HMCN2: variants seen among roughly 807,000 people sequenced by gnomAD.
The protein encoded by HMCN2 is hemicentin-2.
Under a neutral mutation model 377.5 loss-of-function variants are expected in HMCN2, and 325 were observed. The observed-to-expected ratio is 0.86, with a 90% confidence interval of 0.79 to 0.94. The LOEUF (loss-of-function observed/expected upper bound fraction) is 0.94. HMCN2 is among the 40% of genes least tolerant of loss of function. The pLI is 0.00. For missense variants in HMCN2, 4,543 were observed against 4,725.3 expected (o/e 0.96, Z 1.13); for synonymous variants, 2,007 against 2,046.8 (o/e 0.98, Z 0.53).
chr9:130,281,980 TG>T (rs1275096962), intron 1 of HMCN2, among the ~76,000 whole-genome samples: 1 of 152,070 alleles, frequency 6.6e-6, no homozygotes, highest in Non-Finnish European at 1.5e-5. Context: ...GGACATAGCC[TG>T]GCACTTACAA....
intron 33 of HMCN2, 51 bp from the exon 34 acceptor site, chr9:130,356,037 C>T: frequency 2.6e-6 from 3 of 1,158,330 alleles, no homozygotes; most frequent in Non-Finnish European, 3.4e-6. Flanking sequence ...CCTGCCTGGC[C>T]TGGCCTTCCC....
chr9:130,391,724 T>A, intron 65 of HMCN2, 150 bp downstream of exon 65: 1 of 778,632 alleles, frequency 1.3e-6, no homozygotes, highest in Non-Finnish European at 1.6e-6. Context: ...AGGACAATAG[T>A]GCCAGCCCAG....
intron 95 of HMCN2, chr9:130,431,075 C>T: frequency 1.9e-6 from 1 of 525,510 alleles, no homozygotes; most frequent in East Asian, 3.3e-5. Flanking sequence ...GGTGGCCTGC[C>T]CCAGGGCTGA....
At chr9:130,322,974 T>C (rs1271123625) in intron 19 of HMCN2, among the ~76,000 whole-genome samples, 1 of 152,178 alleles carries the variant, frequency 6.6e-6, no homozygotes, top group African/African-American at 2.4e-5. Context: ...AGTGCAAAGT[T>C]CAGAAGGGCT....
chr9:130,310,054 G>A lies in HMCN2; in HGVS notation c.2343G>A (p.Ala781=), dbSNP rs781900140. Residue 781 remains alanine (A), a synonymous_variant, in exon 15 of 98, where the codon GCG becomes GCA. Coordinates refer to ENST00000683500, the MANE Select transcript of HMCN2 (RefSeq NM_001291815.2). The stretch of plus-strand genomic sequence containing the variant: ...ACGCCTCTGCAGAAATCCAGCTGGC[G>A]GTTGGACGTGAGTGTATACCTTGTC... The part of the protein sequence containing the change: ...LGDASAEIQL[A]VGHAPQLTEL... 2.1e-5 allele frequency: 11 copies of A among 532,102 alleles called. No individual in the cohort carries two copies. Among genetic ancestry groups the A allele is most frequent in the South Asian group, 7.0e-5 (5 of 71,198 alleles). 33.0% of individuals were successfully genotyped at this position (532,102 alleles called of 1,614,324 possible). A position where few individuals can be genotyped will look rare whatever the true frequency, so the allele number is the denominator to read the frequency against.
Position 130,272,225 on chromosome 9 carries a change from T to A in HMCN2, c.259+6088T>A, listed in dbSNP as rs782174689. ...CCTTCTTCAGCTTCTTCTTCTTTTT[T>A]AAAAAAAATAAATTTTTTTGTTTTT... On this transcript the variant is annotated intron_variant, in intron 1 of 97. Transcript: ENST00000683500. 5.4e-4 allele frequency among the ~76,000 whole-genome samples: 81 copies of A among 148,902 alleles called. 6 individuals are homozygous for A. The highest frequency in any genetic ancestry group is 1.0e-3 in the Non-Finnish European group (68 of 66,280).
Position 130,399,566 on chromosome 9 carries a change from C to A in HMCN2, c.11539C>A (p.Gln3847Lys). ...LTAPGPQDSA[Q>K]FECVVSNEVG... The stretch of plus-strand genomic sequence containing the variant: ...GGCCCCCGGCCCCCAGGACTCAGCC[C>A]AGTTTGAATGCGTGGTGAGCAATGA... Residue 3847 changes from glutamine to lysine, a missense_variant, in exon 76 of 98, where the codon CAG (glutamine) becomes AAG (lysine). Gln to Lys is a moderately conservative substitution (Grantham distance 53, BLOSUM62 1). Transcript: ENST00000683500. The A allele has an allele frequency of 1.2e-5, 15 of 1,289,760 alleles. 1 individual carries two copies. Among genetic ancestry groups the A allele is most frequent in the Non-Finnish European group, 1.5e-5 (15 of 988,792 alleles). 79.9% of individuals were successfully genotyped at this position (1,289,760 alleles called of 1,614,324 possible).
At chr9:130,397,798 G>C in intron 74 of HMCN2, 143 bp downstream of exon 74, 1 of 683,892 alleles carries the variant, frequency 1.5e-6, no homozygotes, top group Admixed American at 3.7e-5. Flanking sequence ...GTAAAAAGTT[G>C]TGATCATGCA....
At chr9:130,288,398 C>T (rs1184302054) in intron 4 of HMCN2, among the ~76,000 whole-genome samples, 3 of 152,232 alleles carry the variant, frequency 2.0e-5, no homozygotes, top group Non-Finnish European at 2.9e-5. Context: ...GCATGGAGCT[C>T]TGTTGTTCTT....
chr9:130,362,829 G>A (rs1257250401), intron 39 of HMCN2, 38 bp from the exon 40 acceptor site: 30 of 985,708 alleles, frequency 3.0e-5, no homozygotes, highest in Admixed American at 6.1e-5. Flanking sequence ...GCAACAGCAG[G>A]ACAGTTGCCT....
Position 130,285,852 on chromosome 9 carries a change from C to T in HMCN2, c.490-336C>T, listed in dbSNP as rs113666901. Reference sequence around the variant, plus strand: ...ACGTCTAGAACTTGCTTGGGTTCTTCAAGGTTCTTCTAAGTCTGCAGCCTC... The same window carrying T: ...ACGTCTAGAACTTGCTTGGGTTCTTTAAGGTTCTTCTAAGTCTGCAGCCTC... On this transcript the variant is annotated intron_variant, in intron 3 of 97. Transcript: ENST00000683500. 1.6e-3 allele frequency among the ~76,000 whole-genome samples: 250 copies of T among 152,260 alleles called. 1 individual carries two copies. Among genetic ancestry groups the T allele is most frequent in the African/African-American group, 5.8e-3 (239 of 41,534 alleles).
In HMCN2 at chr9:130,394,073, A is replaced by G; in HGVS notation, c.10501+65A>G. 8.5e-7 allele frequency: 1 copy of G among 1,182,720 alleles called. No homozygotes were observed. The highest frequency in any genetic ancestry group is 1.1e-6 in the Non-Finnish European group (1 of 936,070). 73.3% of individuals were successfully genotyped at this position (1,182,720 alleles called of 1,614,324 possible). ...GGGAGAGGGTGGGACTCTAGGGGCA[A>G]TGGGAAGGACAGTGAGGGAGGTGAG... On this transcript the variant is annotated intron_variant, in intron 68 of 97. Transcript: ENST00000683500. This position sits in a 1 kb window ranked among gnomAD's most constrained non-coding sequence, Gnocchi z 5.1.
chr9:130,397,292 C>A (rs751791314), intron 73 of HMCN2, among the ~76,000 whole-genome samples: 1 of 152,166 alleles, frequency 6.6e-6, no homozygotes, highest in Non-Finnish European at 1.5e-5. Flanking sequence ...TTCACTATCA[C>A]GAGATCAGCA....
chr9:130,275,541 C>T (rs949079847), intron 1 of HMCN2, among the ~76,000 whole-genome samples: 3 of 152,192 alleles, frequency 2.0e-5, no homozygotes, highest in Non-Finnish European at 4.4e-5. Context: ...CCCCTGCTTC[C>T]TGGGTTCAAG....
chr9:130,295,192 G>T (rs530875599), intron 5 of HMCN2, among the ~76,000 whole-genome samples, 166 bp downstream of exon 5: 1 of 152,236 alleles, frequency 6.6e-6, no homozygotes, highest in African/African-American at 2.4e-5. Flanking sequence ...GGGCGCCCAT[G>T]GTGTGCGAGG....
chr9:130,367,715 TG>T (rs1457684160), intron 43 of HMCN2, among the ~76,000 whole-genome samples: 1 of 151,634 alleles, frequency 6.6e-6, no homozygotes, highest in Non-Finnish European at 1.5e-5. Context: ...GCCGAGGCAG[TG>T]GGTCACCTGA....
At chr9:130,348,879 GT>G in intron 27 of HMCN2, 104 bp from the exon 28 acceptor site, 1 of 1,217,602 alleles carries the variant, frequency 8.2e-7, no homozygotes, top group Non-Finnish European at 1.1e-6. Flanking sequence ...GCATGGCACC[GT>G]TCTGGCCACT....
At position 130,356,270 on chromosome 9, in the gene HMCN2, C is replaced by T. The variant is rs1241345858; in HGVS notation, c.5425+13C>T. ...GTGTCTGTGCATGGTGAGTGGGCGC[C>T]TGGGGTTCTGGAGCTGTGGGCAGCC... is the stretch of plus-strand genomic sequence containing the variant. On this transcript the variant is annotated intron_variant, in intron 34 of 97. Transcript: ENST00000683500. 9 of 1,285,080 alleles carry T rather than the reference C, an allele frequency of 7.0e-6. No individual in the cohort carries two copies. In the Admixed American group the frequency reaches 7.2e-5, roughly 10 times the overall value. 79.6% of individuals were successfully genotyped at this position (1,285,080 alleles called of 1,614,324 possible).
intron 21 of HMCN2, among the ~76,000 whole-genome samples, chr9:130,326,833 C>T (rs1019335595): frequency 1.4e-4 from 22 of 152,224 alleles, no homozygotes; most frequent in African/African-American, 3.6e-4. Flanking sequence ...GTGAGAGAGA[C>T]GTGACATGCA....
Sources: gnomAD v4.1 joint callset for allele counts (sites outside exome capture counted in the v4.1 genomes callset) on GRCh38, gnomAD v4.1.1 for gene constraint, Gnocchi (gnomAD v3.1) non-coding constraint, MANE v1.5 for transcripts, NCBI Gene and HGNC (gene_info 2026-07-23, HGNC 2026-07-21) for gene names.